EIF3H: variants seen among roughly 807,000 people sequenced by gnomAD.
The protein encoded by EIF3H is eIF-3-gamma.
In EIF3H, 26 loss-of-function variants were observed where a neutral mutation model predicts 44.2. That is an observed-to-expected ratio of 0.59 (90% confidence interval 0.43 to 0.82). EIF3H has a LOEUF of 0.82. Among genes scored for constraint, EIF3H ranks in the 40% least tolerant of loss-of-function variants. The pLI, the probability that EIF3H is intolerant of heterozygous loss-of-function variation, is 0.00. For synonymous variants in EIF3H, 166 were observed against 151.9 expected (o/e 1.09, Z -0.68); for missense variants, 359 against 432.8 (o/e 0.83, Z 1.51).
chr8:116,712,232 G>C (rs925938781), intron 2 of EIF3H, among the ~76,000 whole-genome samples: 2 of 152,194 alleles, frequency 1.3e-5, no homozygotes, highest in Non-Finnish European at 2.9e-5. Context: ...TGTGAGGTTA[G>C]TAGCCTACCA....
intron 2 of EIF3H, among the ~76,000 whole-genome samples, chr8:116,673,022 A>AC (rs1813783679): frequency 1.3e-5 from 2 of 151,374 alleles, no homozygotes. Flanking sequence ...AAAAAAAAAA[A>AC]AACACCACAA....
intron 2 of EIF3H, among the ~76,000 whole-genome samples, chr8:116,680,265 G>A (rs1408157114): frequency 2.1e-5 from 1 of 47,770 alleles, no homozygotes; most frequent in African/African-American, 6.1e-5. Context: ...GCTTCTGCCC[G>A]GCCGCCCCTA....
intron 2 of EIF3H, among the ~76,000 whole-genome samples, chr8:116,690,846 A>G (rs1814162238): frequency 6.6e-6 from 1 of 152,254 alleles, no homozygotes; most frequent in South Asian, 2.1e-4. Flanking sequence ...AAACAGGTAG[A>G]AAATACTTTT....
At chr8:116,756,051 A>G (rs1586499266), upstream of EIF3H, 1 of 1,496,816 alleles carries the variant, frequency 6.7e-7, no homozygotes, top group Non-Finnish European at 9.0e-7. Context: ...TAAATGTTTA[A>G]TCATTCACCA....
chr8:116,730,025 A>G (rs1032059957), intron 1 of EIF3H, among the ~76,000 whole-genome samples: 42 of 152,252 alleles, frequency 2.8e-4, no homozygotes, highest in African/African-American at 9.6e-4. Context: ...CTGATAAAGT[A>G]CTCAGGAAAA....
At chr8:116,645,198 A>T in intron 7 of EIF3H, 95 bp from the exon 8 acceptor site, 1 of 882,030 alleles carries the variant, frequency 1.1e-6, no homozygotes, top group Non-Finnish European at 1.8e-6. Flanking sequence ...ATAAAACAGA[A>T]TCACCTGTTT....
chr8:116,654,430 G>A (rs1813453741), intron 5 of EIF3H, among the ~76,000 whole-genome samples: 2 of 152,160 alleles, frequency 1.3e-5, no homozygotes, highest in Admixed American at 1.3e-4. Flanking sequence ...GGGAAAAGGT[G>A]AAGACATGAA....
intron 3 of EIF3H, 182 bp downstream of exon 3, chr8:116,658,631 G>T: frequency 1.8e-6 from 1 of 543,396 alleles, no homozygotes; most frequent in Non-Finnish European, 3.1e-6. Context: ...CTGATAGCAA[G>T]AAAAATAAAC....
At chr8:116,713,513 T>C (rs1814608579) in intron 2 of EIF3H, among the ~76,000 whole-genome samples, 1 of 152,148 alleles carries the variant, frequency 6.6e-6, no homozygotes, top group Non-Finnish European at 1.5e-5. Flanking sequence ...GCTTTCAAAA[T>C]GAAGCTAGAC....
chr8:116,696,353 AC>A (rs1405911367), intron 2 of EIF3H, among the ~76,000 whole-genome samples: 1 of 152,262 alleles, frequency 6.6e-6, no homozygotes, highest in African/African-American at 2.4e-5. Context: ...TTAATAGCCC[AC>A]TGAATAAAAC....
At chr8:116,654,701 T>C (rs749045768) in intron 5 of EIF3H, among the ~76,000 whole-genome samples, 5 of 152,168 alleles carry the variant, frequency 3.3e-5, no homozygotes, top group Non-Finnish European at 7.3e-5. Flanking sequence ...CCTGGCTGTG[T>C]TACTGAGCAC....
intron 2 of EIF3H, among the ~76,000 whole-genome samples, chr8:116,679,383 C>A (rs867924899): frequency 4.7e-3 from 329 of 70,600 alleles, no homozygotes; most frequent in Admixed American, 0.013. Context: ...CCCCGCCCGG[C>A]CAGCCGCCCC....
Position 116,755,765 on chromosome 8 carries a change from A to C in EIF3H, c.33T>G (p.Thr11=). ...CGGCGGTGGAGCTGGAAGAGGTGGC[A>C]GTAGAGCCGGTACCTTCCTTGCGGG... MASRKEGTGS[T]ATSSSSTAGA... Residue 11 remains threonine (T), a synonymous_variant, in exon 1 of 8, where the codon ACT becomes ACG. Transcript: ENST00000521861. 6.2e-7 allele frequency: 1 copy of C among 1,614,130 alleles called. No individual in the cohort carries two copies. The highest frequency in any genetic ancestry group is 8.5e-7 in the Non-Finnish European group (1 of 1,180,026).
rs1454054977 is a variant in EIF3H, at chr8:116,643,457, A to C, written c.*1549T>G. 2.6e-5 allele frequency: 4 copies of C among 152,228 alleles called. No individual in the cohort carries two copies. The East Asian group carries it at 7.7e-4, about 29-fold the overall frequency. 9.4% of individuals were successfully genotyped at this position (152,228 alleles called of 1,614,324 possible). A position where few individuals can be genotyped will look rare whatever the true frequency, so the allele number is the denominator to read the frequency against. On this transcript the variant is annotated 3_prime_UTR_variant, in exon 8 of 8. Transcript: ENST00000521861. ...CTTTTTAAAGTAAAACCCAGCCAAC[A>C]ACCCAACATCCTGGAAGGGGTGCCT...
chr8:116,662,124 T>A (rs1379276810), intron 2 of EIF3H, among the ~76,000 whole-genome samples: 1 of 152,278 alleles, frequency 6.6e-6, no homozygotes, highest in East Asian at 1.9e-4. Context: ...ATTGGTCAAT[T>A]AAGAAAATCA....
intron 2 of EIF3H, among the ~76,000 whole-genome samples, chr8:116,708,433 A>C (rs1814509526): frequency 6.6e-6 from 1 of 152,076 alleles, no homozygotes; most frequent in Non-Finnish European, 1.5e-5. Flanking sequence ...ATACATAACA[A>C]AGATACCAAT....
At chr8:116,693,701 GAGAC>G (rs1814218121) in intron 2 of EIF3H, among the ~76,000 whole-genome samples, 1 of 150,792 alleles carries the variant, frequency 6.6e-6, no homozygotes, top group African/African-American at 2.4e-5. Flanking sequence ...TTTTTTTTAA[GAGAC>G]AGGGTCTTGC....
chr8:116,759,002 G>T (rs962526150), upstream of EIF3H, among the ~76,000 whole-genome samples: 1 of 152,138 alleles, frequency 6.6e-6, no homozygotes, highest in African/African-American at 2.4e-5. Context: ...GCATAAGAAA[G>T]TAAATAACAG....
intron 2 of EIF3H, among the ~76,000 whole-genome samples, chr8:116,668,737 G>A (rs572921829): frequency 3.3e-5 from 5 of 152,046 alleles, no homozygotes; most frequent in South Asian, 4.2e-4. Flanking sequence ...GTAGGGGCTG[G>A]GCAGCGGGGG....
Sources: gnomAD v4.1 joint callset for allele counts (sites outside exome capture counted in the v4.1 genomes callset) on GRCh38, gnomAD v4.1.1 for gene constraint, MANE v1.5 for transcripts, NCBI Gene and HGNC (gene_info 2026-07-23, HGNC 2026-07-21) for gene names.